VOPP1: variants seen among roughly 807,000 people sequenced by gnomAD.
VOPP1 encodes the protein WW domain binding protein VOPP1.
Under a neutral mutation model 23.5 loss-of-function variants are expected in VOPP1, and 8 were observed. The ratio of observed to expected loss-of-function variants is 0.34; its 90% CI spans 0.20 to 0.61. VOPP1 has a LOEUF of 0.61. Among genes scored for constraint, VOPP1 ranks in the 20% least tolerant of loss-of-function variants. The pLI is 0.78. For missense variants in VOPP1, 174 were observed against 238.1 expected, an observed-to-expected ratio of 0.73 and a Z score of 1.77; for synonymous variants, 83 against 97.3, an observed-to-expected ratio of 0.85 and a Z score of 0.86.
In VOPP1 at chr7:55,463,358, A is replaced by G. The variant is rs76127268; in HGVS notation, n.418-27184T>C. 1.8e-3 allele frequency among the ~76,000 whole-genome samples: 272 copies of G among 152,190 alleles called. 7 individuals carry two copies. The East Asian group carries it at 0.039, about 22-fold the overall frequency. On this transcript the variant is annotated intron_variant and non_coding_transcript_variant, in intron 4 of 4. Transcript: ENST00000462326. ...GTTTCCTTGCTTTTTCATGTTTCTTATATCCTTACACTCATATTTGTGCAT... is the reference window on the plus strand; with the variant it reads ...GTTTCCTTGCTTTTTCATGTTTCTTGTATCCTTACACTCATATTTGTGCAT...
intron 4 of VOPP1, among the ~76,000 whole-genome samples, chr7:55,458,667 A>G (rs1476455270): frequency 2.6e-5 from 4 of 151,984 alleles, no homozygotes; most frequent in Non-Finnish European, 4.4e-5. Flanking sequence ...TGTAAATGGG[A>G]TTGTCTTCCT....
At chr7:55,461,302 T>G (rs1335084895) in intron 4 of VOPP1, among the ~76,000 whole-genome samples, 1 of 152,118 alleles carries the variant, frequency 6.6e-6, no homozygotes, top group Non-Finnish European at 1.5e-5. Context: ...GCTTGGGTGA[T>G]GGGTGCATCA....
At chr7:55,465,717 T>C (rs815938), downstream of VOPP1, among the ~76,000 whole-genome samples, 3,881 of 152,332 alleles carry the variant, frequency 0.025, 152 homozygotes, top group African/African-American at 0.086. Flanking sequence ...AAACTGAGAC[T>C]GGAGATTAAA....
intron 4 of VOPP1, among the ~76,000 whole-genome samples, chr7:55,475,288 C>T (rs762752429): frequency 2.0e-5 from 3 of 152,108 alleles, no homozygotes; most frequent in Non-Finnish European, 2.9e-5. Flanking sequence ...GGAAGGCACC[C>T]GAGACAGTGG....
chr7:55,440,894 T>C (rs1346059448), intron 4 of VOPP1, among the ~76,000 whole-genome samples: 3 of 152,154 alleles, frequency 2.0e-5, no homozygotes, highest in Admixed American at 2.0e-4. Context: ...GAGCAGAACA[T>C]CCACGCCCCT....
chr7:55,492,338 A>G lies in VOPP1; in HGVS notation c.272T>C (p.Ile91Thr). Residue 91 changes from isoleucine to threonine, a missense_variant, in exon 4 of 5, where the codon ATC becomes ACC. Coordinates refer to ENST00000285279, the MANE Select transcript of VOPP1 (RefSeq NM_030796.5). ...IRRRMYPPPL[I>T]EEPAFNVSYT... Reference sequence around the variant, plus strand: ...GGACACATTGAAGGCTGGCTCCTCGATCAGCGGCGGGGGGTACATGCGCCT... The same window carrying G: ...GGACACATTGAAGGCTGGCTCCTCGGTCAGCGGCGGGGGGTACATGCGCCT... 1 of 1,610,564 alleles carries G rather than the reference A, an allele frequency of 6.2e-7. No individual in the cohort carries two copies.
intron 1 of VOPP1, among the ~76,000 whole-genome samples, chr7:55,543,248 T>A (rs933971639): frequency 1.3e-5 from 2 of 152,240 alleles, no homozygotes; most frequent in African/African-American, 4.8e-5. Context: ...CTTTATAATA[T>A]TCCATTGTGT....
chr7:55,559,020 C>G lies in VOPP1; in HGVS notation c.54+13251G>C, dbSNP rs1797898753. On this transcript the variant is annotated intron_variant, in intron 1 of 4. Transcript: ENST00000285279. ...TAATTATATTAATTTTATTTGTGCC[C>G]AAAGCTTTGCAAACAACTTGAGCTA... Among the ~76,000 whole-genome samples, 2 of 152,048 alleles carry G rather than the reference C, an allele frequency of 1.3e-5. 1 individual carries two copies. Among genetic ancestry groups the G allele is most frequent in the South Asian group, 4.1e-4 (2 of 4,820 alleles).
intron 4 of VOPP1, among the ~76,000 whole-genome samples, chr7:55,451,652 G>A (rs758041399): frequency 6.6e-6 from 1 of 152,044 alleles, no homozygotes; most frequent in African/African-American, 2.4e-5. Context: ...TCAGCTGGGC[G>A]TGCTGGCGGG....
chr7:55,528,634 T>C (rs1289034202), intron 1 of VOPP1, among the ~76,000 whole-genome samples: 2 of 151,586 alleles, frequency 1.3e-5, no homozygotes, highest in Admixed American at 1.3e-4. Context: ...TGCAGTGAGC[T>C]GAGATCGCAC....
Position 55,465,379 on chromosome 7 carries a change from A to G in VOPP1, n.417+26903T>C, listed in dbSNP as rs947659865. 2.0e-5 allele frequency among the ~76,000 whole-genome samples: 3 copies of G among 148,586 alleles called. No homozygotes were observed. The South Asian group carries it at 6.3e-4, about 31-fold the overall frequency. On this transcript the variant is annotated intron_variant and non_coding_transcript_variant, in intron 4 of 4. Transcript: ENST00000462326. ...CAACACACATCAACCTTTCAAGACA[A>G]GAACGGTAGGTGATGTGTGGAGTGG...
At chr7:55,508,554 T>C (rs1794875810) in intron 2 of VOPP1, among the ~76,000 whole-genome samples, 1 of 152,204 alleles carries the variant, frequency 6.6e-6, no homozygotes, top group African/African-American at 2.4e-5. Flanking sequence ...TGTGAGCCAC[T>C]GCACCTGGCC....
chr7:55,552,564 T>G, intron 1 of VOPP1: 1 of 1,529,904 alleles, frequency 6.5e-7, no homozygotes, highest in South Asian at 1.2e-5. Flanking sequence ...GGGTGACAAA[T>G]GAAGTCTAGG....
At chr7:55,528,640 C>A (rs980347471) in intron 1 of VOPP1, among the ~76,000 whole-genome samples, 5 of 151,348 alleles carry the variant, frequency 3.3e-5, no homozygotes, top group Non-Finnish European at 7.4e-5. Flanking sequence ...GAGCTGAGAT[C>A]GCACTACTGC....
intron 4 of VOPP1, among the ~76,000 whole-genome samples, chr7:55,491,349 C>T (rs1007942828): frequency 6.6e-6 from 1 of 152,198 alleles, no homozygotes; most frequent in Non-Finnish European, 1.5e-5. Flanking sequence ...TTAACTGAAA[C>T]TTTGTAAAAG....
At chr7:55,527,980 A>G (rs530249407) in intron 1 of VOPP1, among the ~76,000 whole-genome samples, 192 of 152,300 alleles carry the variant, frequency 1.3e-3, no homozygotes, top group African/African-American at 4.6e-3. Flanking sequence ...GGAAAATAAA[A>G]TGCCTCAAGA....
At chr7:55,445,268 T>TACACACACAGACACAC (rs1404435086) in intron 4 of VOPP1, among the ~76,000 whole-genome samples, 3 of 126,064 alleles carry the variant, frequency 2.4e-5, no homozygotes, top group African/African-American at 9.1e-5. Flanking sequence ...CACACAGACA[T>TACACACACAGACACAC]ACACACACAG....
At chr7:55,553,638 C>T (rs1797700226) in intron 1 of VOPP1, among the ~76,000 whole-genome samples, 1 of 151,954 alleles carries the variant, frequency 6.6e-6, no homozygotes, top group African/African-American at 2.4e-5. Context: ...CCTGCAACCC[C>T]ACCCCACCCC....
chr7:55,504,567 C>T (rs1476464006), intron 2 of VOPP1, among the ~76,000 whole-genome samples: 1 of 152,226 alleles, frequency 6.6e-6, no homozygotes, highest in African/African-American at 2.4e-5. Context: ...CAGTGACTGA[C>T]CTTCCCCTCC....
Sources: allele counts gnomAD v4.1 joint callset (sites outside exome capture counted in the v4.1 genomes callset), GRCh38; gene constraint gnomAD v4.1.1; transcripts MANE v1.5; gene names NCBI Gene and HGNC (gene_info 2026-07-23, HGNC 2026-07-21).